SPAG16: variants seen among roughly 807,000 people sequenced by gnomAD.
The protein encoded by SPAG16 is sperm-associated antigen 16 protein.
Under a neutral mutation model 80.4 loss-of-function variants are expected in SPAG16, and 86 were observed. That is an observed-to-expected ratio of 1.07 (90% CI 0.90 to 1.28). The LOEUF (loss-of-function observed/expected upper bound fraction) is 1.28. SPAG16 is among the 50% of genes most tolerant of loss of function. The pLI is 0.00. For synonymous variants in SPAG16, 294 were observed against 265.9 expected (o/e 1.11, Z -1.03); for missense variants, 870 against 765.3 (o/e 1.14, Z -1.61).
At chr2:213,548,587 G>T (rs540463033) in intron 10 of SPAG16, among the ~76,000 whole-genome samples, 91 of 152,234 alleles carry the variant, frequency 6.0e-4, no homozygotes, top group Non-Finnish European at 8.4e-4. Context: ...ACAGTTTTTA[G>T]TTTCAGTTAT....
intron 4 of SPAG16, among the ~76,000 whole-genome samples, chr2:213,313,554 A>T (rs114376858): frequency 7.2e-4 from 109 of 151,942 alleles, no homozygotes; most frequent in Admixed American, 1.2e-3. Context: ...GGCAGAGTCA[A>T]CCTAGGACAT....
At chr2:214,030,034 T>C (rs1022796952) in intron 13 of SPAG16, among the ~76,000 whole-genome samples, 2 of 152,102 alleles carry the variant, frequency 1.3e-5, no homozygotes, top group Non-Finnish European at 1.5e-5. Context: ...AAGTGCACAA[T>C]ACTATGTTGT....
intron 10 of SPAG16, among the ~76,000 whole-genome samples, chr2:213,627,242 G>A (rs541881304): frequency 4.3e-4 from 65 of 152,318 alleles, no homozygotes; most frequent in African/African-American, 1.5e-3. Context: ...GGCAGAGAGC[G>A]TTCCTCACGT....
intron 9 of SPAG16, among the ~76,000 whole-genome samples, chr2:213,394,120 C>T (rs1272800856): frequency 6.6e-6 from 1 of 151,992 alleles, no homozygotes; most frequent in East Asian, 1.9e-4. Flanking sequence ...ATAGCACTTA[C>T]TGTCATTTGA....
intron 15 of SPAG16, among the ~76,000 whole-genome samples, chr2:214,312,653 T>A (rs1312778566): frequency 6.6e-6 from 1 of 152,172 alleles, no homozygotes. Context: ...AAGTTGATCA[T>A]TCACACTAAT....
chr2:213,459,842 T>A (rs1433364220), intron 9 of SPAG16, among the ~76,000 whole-genome samples: 1 of 152,258 alleles, frequency 6.6e-6, no homozygotes, highest in African/African-American at 2.4e-5. Flanking sequence ...TACTTGCTTT[T>A]AAATGGAGTG....
intron 3 of SPAG16, among the ~76,000 whole-genome samples, chr2:213,304,699 T>C (rs981947634): frequency 6.6e-6 from 1 of 152,120 alleles, no homozygotes; most frequent in African/African-American, 2.4e-5. Context: ...GACGTATGGA[T>C]GTGTTTCTGT....
chr2:213,343,628 T>C (rs2124985074), intron 6 of SPAG16, among the ~76,000 whole-genome samples: 1 of 151,522 alleles, frequency 6.6e-6, no homozygotes, highest in South Asian at 2.1e-4. Context: ...TTAAAGAAAA[T>C]GGTGACTGTA....
chr2:214,218,212 G>A (rs2058480803), intron 15 of SPAG16, among the ~76,000 whole-genome samples: 1 of 152,114 alleles, frequency 6.6e-6, no homozygotes, highest in African/African-American at 2.4e-5. Flanking sequence ...TGTTTTGGTT[G>A]AAGCATAGGA....
intron 15 of SPAG16, among the ~76,000 whole-genome samples, chr2:214,385,726 C>T (rs1700712573): frequency 6.6e-6 from 1 of 152,094 alleles, no homozygotes; most frequent in Admixed American, 6.5e-5. Context: ...CACCTGTAGT[C>T]CTAGCTGCTT....
intron 14 of SPAG16, among the ~76,000 whole-genome samples, chr2:214,128,359 A>G (rs2125485755): frequency 6.6e-6 from 1 of 151,778 alleles, no homozygotes; most frequent in East Asian, 1.9e-4. Context: ...TAAATCTTAT[A>G]TTTCTCAGTT....
chr2:213,911,319 A>AT (rs1305648179), intron 11 of SPAG16, among the ~76,000 whole-genome samples: 1 of 151,766 alleles, frequency 6.6e-6, no homozygotes, highest in African/African-American at 2.4e-5. Flanking sequence ...TAATTTTTGT[A>AT]TTTTTTCTAG....
intron 14 of SPAG16, among the ~76,000 whole-genome samples, chr2:214,135,723 G>GTCTC (rs372301135): frequency 0.098 from 14,264 of 145,654 alleles, 833 homozygotes; most frequent in East Asian, 0.27. Flanking sequence ...CTGTCTCTCT[G>GTCTC]TCTCTCTCTC....
At chr2:213,305,797 G>A (rs887483528) in intron 3 of SPAG16, among the ~76,000 whole-genome samples, 9 of 152,048 alleles carry the variant, frequency 5.9e-5, no homozygotes, top group Non-Finnish European at 8.8e-5. Flanking sequence ...TGTTCATCAG[G>A]AATATTGGCC....
intron 10 of SPAG16, among the ~76,000 whole-genome samples, chr2:213,531,824 T>C (rs2076078831): frequency 6.6e-6 from 1 of 152,208 alleles, no homozygotes; most frequent in African/African-American, 2.4e-5. Flanking sequence ...CACAATCATA[T>C]GAATATGAAT....
At chr2:213,319,370 CTG>C (rs1187748741) in intron 5 of SPAG16, among the ~76,000 whole-genome samples, 1 of 151,834 alleles carries the variant, frequency 6.6e-6, no homozygotes, top group East Asian at 1.9e-4. Context: ...CAAGTATTAT[CTG>C]TACTTGTAGA....
chr2:213,494,937 T>G (rs1330350840), intron 10 of SPAG16, among the ~76,000 whole-genome samples: 1 of 152,218 alleles, frequency 6.6e-6, no homozygotes, highest in Non-Finnish European at 1.5e-5. Flanking sequence ...AGTTTTTACA[T>G]GTCTAGCTCA....
chr2:213,978,165 A>G (rs937198920), intron 12 of SPAG16, among the ~76,000 whole-genome samples: 1 of 152,006 alleles, frequency 6.6e-6, no homozygotes, highest in Non-Finnish European at 1.5e-5. Flanking sequence ...GGACACTGGA[A>G]ATCTTCAAAA....
At chr2:214,197,237 G>C (rs543234858) in intron 15 of SPAG16, among the ~76,000 whole-genome samples, 1 of 152,056 alleles carries the variant, frequency 6.6e-6, no homozygotes, top group Admixed American at 6.6e-5. Context: ...ACACTGTTCA[G>C]TCATTTTGAA....
Sources: gnomAD v4.1 joint callset for allele counts (sites outside exome capture counted in the v4.1 genomes callset) on GRCh38, gnomAD v4.1.1 for gene constraint, MANE v1.5 for transcripts, NCBI Gene and HGNC (gene_info 2026-07-23, HGNC 2026-07-21) for gene names.